Variants in TMIGD3 observed in about 807,000 individuals in gnomAD.
TMIGD3 encodes AD026 protein (AD026).
TMIGD3 carries 21 observed loss-of-function variants against 28.1 expected under a neutral mutation model. The ratio of observed to expected loss-of-function variants is 0.75; its 90% CI spans 0.53 to 1.08. The LOEUF (loss-of-function observed/expected upper bound fraction) is 1.08, where lower values mean the gene tolerates loss of function less well. TMIGD3 is among the 50% of genes least tolerant of loss of function. The pLI, the probability that TMIGD3 is intolerant of heterozygous loss-of-function variation, is 0.00. For missense variants in TMIGD3, 416 were observed against 435.6 expected, an observed-to-expected ratio of 0.96 and a Z score of 0.40; for synonymous variants, 151 against 162.1, an observed-to-expected ratio of 0.93 and a Z score of 0.52.
At chr1:111,543,873 C>T (rs1441291491) in intron 1 of TMIGD3, among the ~76,000 whole-genome samples, 1 of 152,102 alleles carries the variant, frequency 6.6e-6, no homozygotes, top group Non-Finnish European at 1.5e-5. Context: ...AAGGATTGGG[C>T]CTTCTCAGAG....
At chr1:111,490,447 T>A in intron 2 of TMIGD3, 2 of 562,714 alleles carry the variant, frequency 3.6e-6, no homozygotes, top group Non-Finnish European at 6.3e-6. Flanking sequence ...TAGTCAAGCT[T>A]TTCAATTTCC....
chr1:111,546,560 T>A (rs944313572), intron 1 of TMIGD3, among the ~76,000 whole-genome samples: 2 of 152,198 alleles, frequency 1.3e-5, no homozygotes, highest in East Asian at 1.9e-4. Context: ...CTTAGCATAA[T>A]GTCCTTAAGT....
At chr1:111,537,689 A>G (rs935672943) in intron 1 of TMIGD3, among the ~76,000 whole-genome samples, 7 of 152,088 alleles carry the variant, frequency 4.6e-5, no homozygotes, top group African/African-American at 1.4e-4. Flanking sequence ...TTAAAGAATT[A>G]GAAAGAAAGT....
intron 1 of TMIGD3, among the ~76,000 whole-genome samples, chr1:111,492,914 T>C (rs544977359): frequency 6.6e-6 from 1 of 152,260 alleles, no homozygotes; most frequent in East Asian, 1.9e-4. Context: ...TTACTTGGTG[T>C]ATTAATTCCA....
intron 1 of TMIGD3, chr1:111,499,966 T>C (rs772854601): frequency 6.2e-7 from 1 of 1,614,038 alleles, no homozygotes; most frequent in Admixed American, 1.7e-5. Flanking sequence ...AGAATTCTTC[T>C]CAATGCTTGT....
chr1:111,530,710 A>G (rs937143884), intron 1 of TMIGD3, among the ~76,000 whole-genome samples: 8 of 152,106 alleles, frequency 5.3e-5, no homozygotes, highest in African/African-American at 1.9e-4. Context: ...CTCTATATGT[A>G]ATGTAGGGGT....
At chr1:111,500,391 C>A (rs757958111) in intron 1 of TMIGD3, 2 of 1,614,192 alleles carry the variant, frequency 1.2e-6, no homozygotes, top group South Asian at 2.2e-5. Context: ...AGTCCATTCT[C>A]ATGACGGAAA....
chr1:111,559,322 A>G (rs7524135), intron 1 of TMIGD3, among the ~76,000 whole-genome samples: 16,121 of 152,162 alleles, frequency 0.11, 2,178 homozygotes, highest in African/African-American at 0.31. Context: ...GAAGGAATTT[A>G]TTCATGCATT....
chr1:111,514,822 T>A (rs1460388433), intron 1 of TMIGD3, among the ~76,000 whole-genome samples: 2 of 152,166 alleles, frequency 1.3e-5, no homozygotes, highest in Non-Finnish European at 2.9e-5. Flanking sequence ...CATCCTCTAA[T>A]CTTTCATTAA....
intron 1 of TMIGD3, among the ~76,000 whole-genome samples, chr1:111,497,383 T>C (rs974271060): frequency 6.6e-6 from 1 of 152,216 alleles, no homozygotes; most frequent in Non-Finnish European, 1.5e-5. Flanking sequence ...GTGCTGGGAT[T>C]ACAGGCATGA....
chr1:111,504,145 G>A (rs1655392917), upstream of TMIGD3: 2 of 985,288 alleles, frequency 2.0e-6, no homozygotes, highest in South Asian at 9.4e-5. Flanking sequence ...GATAAGCAAA[G>A]ATTCCCTGCT....
upstream of TMIGD3, among the ~76,000 whole-genome samples, chr1:111,506,087 A>T (rs931302571): frequency 1.3e-5 from 2 of 152,076 alleles, no homozygotes. Context: ...ACTGTTACCC[A>T]ACAGGACCTT....
intron 1 of TMIGD3, among the ~76,000 whole-genome samples, chr1:111,530,159 T>C (rs1656413003): frequency 6.6e-6 from 1 of 152,226 alleles, no homozygotes. Flanking sequence ...AACTCTTTTT[T>C]ATTATTTTTG....
At chr1:111,490,857 G>A in intron 1 of TMIGD3, 95 bp from the exon 2 acceptor site, 1 of 825,628 alleles carries the variant, frequency 1.2e-6, no homozygotes, top group Non-Finnish European at 2.0e-6. Context: ...AGTCCAAGCA[G>A]TGCTGCCATG....
intron 1 of TMIGD3, among the ~76,000 whole-genome samples, chr1:111,491,935 T>C (rs921939902): frequency 1.3e-5 from 2 of 152,228 alleles, no homozygotes; most frequent in African/African-American, 4.8e-5. Flanking sequence ...TGCCCTTATG[T>C]AGTCCCCTCC....
chr1:111,552,538 C>G (rs573763627), intron 1 of TMIGD3, among the ~76,000 whole-genome samples: 167 of 152,300 alleles, frequency 1.1e-3, no homozygotes, highest in Non-Finnish European at 1.7e-3. Flanking sequence ...ACCATCTTCA[C>G]AGAGACCATA....
chr1:111,528,010 T>G (rs1013886825), intron 1 of TMIGD3, among the ~76,000 whole-genome samples: 1 of 152,136 alleles, frequency 6.6e-6, no homozygotes, highest in Non-Finnish European at 1.5e-5. Context: ...TGTAATGAAG[T>G]CTAGCTTGTC....
At position 111,483,664 on chromosome 1, in the gene TMIGD3, A is replaced by G; in HGVS notation, c.*23T>C. 6.3e-7 allele frequency: 1 copy of G among 1,581,308 alleles called. No homozygotes were observed. Among genetic ancestry groups the G allele is most frequent in the Non-Finnish European group, 8.7e-7 (1 of 1,150,524 alleles). ...TATTCTGTTGTAGCATCACTTTATG[A>G]ACTAAATTAAAAAAATCTTCAGTCA... On this transcript the variant is annotated 3_prime_UTR_variant, in exon 6 of 6. Transcript: ENST00000369716.
At chr1:111,546,119 T>A (rs1355398541) in intron 1 of TMIGD3, among the ~76,000 whole-genome samples, 1 of 152,186 alleles carries the variant, frequency 6.6e-6, no homozygotes, top group Non-Finnish European at 1.5e-5. Context: ...CATTTCCACA[T>A]GGATTTTAGG....
Sources: gnomAD v4.1 joint callset for allele counts (sites outside exome capture counted in the v4.1 genomes callset) on GRCh38, gnomAD v4.1.1 for gene constraint, MANE v1.5 for transcripts, NCBI Gene and HGNC (gene_info 2026-07-23, HGNC 2026-07-21) for gene names.